Variants in LUZP2 observed in about 807,000 individuals in gnomAD.
The protein encoded by LUZP2 is leucine zipper protein 2.
Under a neutral mutation model 51.6 loss-of-function variants are expected in LUZP2, and 52 were observed. That is an observed-to-expected ratio of 1.01 (90% CI 0.81 to 1.27). The LOEUF is 1.27. Among genes scored for constraint, LUZP2 ranks in the 50% most tolerant of loss-of-function variants. The pLI is 0.00. For synonymous variants in LUZP2, 154 were observed against 137.3 expected, an observed-to-expected ratio of 1.12 and a Z score of -0.85; for missense variants, 436 against 395.4, an observed-to-expected ratio of 1.10 and a Z score of -0.87.
intron 9 of LUZP2, among the ~76,000 whole-genome samples, chr11:25,048,870 C>A (rs903510861): frequency 5.9e-5 from 9 of 151,772 alleles, no homozygotes; most frequent in Admixed American, 5.3e-4. Flanking sequence ...CAGAGCCCAG[C>A]ATTTGGGTGA....
At position 24,960,199 on chromosome 11, in the gene LUZP2, T is replaced by G. The variant is rs1249448746; in HGVS notation, c.523-16392T>G. ...GCATCAATGTTCATCAAGGATATTGTTCTAAAATTCTCTTTTTTTGTTGTG... is the reference window on the plus strand; with the variant it reads ...GCATCAATGTTCATCAAGGATATTGGTCTAAAATTCTCTTTTTTTGTTGTG... On this transcript the variant is annotated intron_variant, in intron 7 of 11. Coordinates refer to ENST00000336930, the MANE Select transcript of LUZP2 (RefSeq NM_001009909.4). 2.4e-4 allele frequency among the ~76,000 whole-genome samples: 36 copies of G among 152,152 alleles called. 1 individual carries two copies. Among genetic ancestry groups the G allele is most frequent in the Admixed American group, 1.1e-3 (17 of 15,268 alleles).
rs77765727 is a variant in LUZP2, at chr11:25,068,675, T to G, written c.859-8654T>G. Among the ~76,000 whole-genome samples the G allele has an allele frequency of 6.9e-3, 1,057 of 152,096 alleles. 35 individuals are homozygous for G. The East Asian group carries it at 0.1, about 14-fold the overall frequency. On this transcript the variant is annotated intron_variant, in intron 10 of 11. Coordinates refer to ENST00000336930, the MANE Select transcript of LUZP2 (RefSeq NM_001009909.4). ...TTTAGATTCCAACACAGAGAACGCA[T>G]TGACTTCTTAGAAACATAGACATGT...
At chr11:24,958,556 G>C (rs1590773920) in intron 7 of LUZP2, among the ~76,000 whole-genome samples, 1 of 152,060 alleles carries the variant, frequency 6.6e-6, no homozygotes, top group South Asian at 2.1e-4. Context: ...GTCTTCTTTT[G>C]AGAAGTGTCT....
Position 24,653,684 on chromosome 11 carries a change from G to A in LUZP2, c.63-75485G>A, listed in dbSNP as rs183424519. Among the ~76,000 whole-genome samples, 384 of 152,220 alleles carry A rather than the reference G, an allele frequency of 2.5e-3. 2 individuals carry two copies. The highest frequency in any genetic ancestry group is 9.0e-3 in the African/African-American group (374 of 41,536). On this transcript the variant is annotated intron_variant, in intron 1 of 11. Coordinates refer to ENST00000336930, the MANE Select transcript of LUZP2 (RefSeq NM_001009909.4). Reference sequence around the variant, plus strand: ...GGCATTCCTACTGCACCTACCGCTGGGGTTGAGGATGTGAGAAGAAAATAC... The same window carrying A: ...GGCATTCCTACTGCACCTACCGCTGAGGTTGAGGATGTGAGAAGAAAATAC...
At chr11:25,073,317 A>C (rs1859208765) in intron 10 of LUZP2, among the ~76,000 whole-genome samples, 1 of 152,204 alleles carries the variant, frequency 6.6e-6, no homozygotes, top group African/African-American at 2.4e-5. Context: ...TAGATAAAAC[A>C]GAATACTTGA....
chr11:24,718,519 A>C (rs1286220842), intron 1 of LUZP2, among the ~76,000 whole-genome samples: 1 of 152,222 alleles, frequency 6.6e-6, no homozygotes, highest in Non-Finnish European at 1.5e-5. Flanking sequence ...TGGCAAGGAC[A>C]GTATTTTGCA....
At chr11:24,707,759 A>T (rs1358005657) in intron 1 of LUZP2, among the ~76,000 whole-genome samples, 1 of 152,200 alleles carries the variant, frequency 6.6e-6, no homozygotes, top group African/African-American at 2.4e-5. Flanking sequence ...GGGTTGTTAT[A>T]TATAAAGTTT....
intron 9 of LUZP2, among the ~76,000 whole-genome samples, chr11:25,010,219 T>C (rs1856942682): frequency 6.6e-6 from 1 of 152,184 alleles, no homozygotes; most frequent in Non-Finnish European, 1.5e-5. Flanking sequence ...GCAATTATTT[T>C]AACATATTTA....
At chr11:24,641,554 A>G (rs906746625) in intron 1 of LUZP2, among the ~76,000 whole-genome samples, 3 of 151,960 alleles carry the variant, frequency 2.0e-5, no homozygotes, top group African/African-American at 7.3e-5. Context: ...CCTCATCTAA[A>G]TTGATTGAAG....
chr11:24,689,414 T>C (rs1163915314), intron 1 of LUZP2, among the ~76,000 whole-genome samples: 1 of 152,182 alleles, frequency 6.6e-6, no homozygotes, highest in Non-Finnish European at 1.5e-5. Context: ...TCTGTTATTT[T>C]GTCTCTTAGT....
chr11:25,026,641 G>A (rs934170092), intron 9 of LUZP2, among the ~76,000 whole-genome samples: 2 of 151,818 alleles, frequency 1.3e-5, no homozygotes, highest in African/African-American at 4.8e-5. Flanking sequence ...GTTAAATTTG[G>A]ACAAATTTCT....
At chr11:24,916,889 G>C (rs1853806814) in intron 7 of LUZP2, among the ~76,000 whole-genome samples, 1 of 152,142 alleles carries the variant, frequency 6.6e-6, no homozygotes, top group Non-Finnish European at 1.5e-5. Context: ...TCTAGTTCTA[G>C]ATCCCTGAGG....
intron 7 of LUZP2, among the ~76,000 whole-genome samples, chr11:24,960,536 A>C (rs1025824131): frequency 6.6e-6 from 1 of 151,966 alleles, no homozygotes; most frequent in East Asian, 1.9e-4. Flanking sequence ...ATTTGCGTAG[A>C]GGTGTTTGTA....
chr11:25,043,285 T>C (rs1363938230), intron 9 of LUZP2, among the ~76,000 whole-genome samples: 1 of 152,124 alleles, frequency 6.6e-6, no homozygotes, highest in East Asian at 1.9e-4. Flanking sequence ...AGTAGAACAT[T>C]GACATATCTT....
chr11:25,037,678 G>GC (rs1187794503), intron 9 of LUZP2, among the ~76,000 whole-genome samples: 1 of 152,076 alleles, frequency 6.6e-6, no homozygotes, highest in African/African-American at 2.4e-5. Context: ...CCTGTCACAT[G>GC]CTTCTCTGAG....
chr11:24,797,382 C>G (rs1044043641), intron 5 of LUZP2, among the ~76,000 whole-genome samples: 1 of 152,120 alleles, frequency 6.6e-6, no homozygotes, highest in East Asian at 1.9e-4. Context: ...TCTTGAATAC[C>G]TAATGTTTGG....
At chr11:24,737,151 T>C (rs77252370) in intron 3 of LUZP2, among the ~76,000 whole-genome samples, 2,634 of 152,124 alleles carry the variant, frequency 0.017, 85 homozygotes, top group African/African-American at 0.06. Flanking sequence ...ACCTAACATT[T>C]GTTAAGGAAT....
chr11:24,939,067 C>T (rs1285142815), intron 7 of LUZP2, among the ~76,000 whole-genome samples: 1 of 152,018 alleles, frequency 6.6e-6, no homozygotes, highest in Non-Finnish European at 1.5e-5. Flanking sequence ...TTCTCTCTCT[C>T]TCTCTCTTTT....
chr11:24,931,125 C>T (rs1197228782), intron 7 of LUZP2, among the ~76,000 whole-genome samples: 2 of 151,836 alleles, frequency 1.3e-5, no homozygotes, highest in Admixed American at 6.6e-5. Context: ...GCATGAGAAT[C>T]ACTTGAACAC....
Sources: allele counts gnomAD v4.1 joint callset (sites outside exome capture counted in the v4.1 genomes callset), GRCh38; gene constraint gnomAD v4.1.1; transcripts MANE v1.5; gene names NCBI Gene and HGNC (gene_info 2026-07-23, HGNC 2026-07-21).